The following GOLGA5 variants were observed in gnomAD, a reference collection of about 807,000 sequenced individuals.
The protein encoded by GOLGA5 is golgin A5.
A neutral mutation model predicts 93.5 loss-of-function variants in GOLGA5; 50 were observed. That is an observed-to-expected ratio of 0.53 (90% CI 0.43 to 0.68). The LOEUF is 0.68. Among genes scored for constraint, GOLGA5 ranks in the 30% least tolerant of loss-of-function variants. The pLI is 0.00. For missense variants in GOLGA5, 760 were observed against 856.4 expected, an observed-to-expected ratio of 0.89 and a Z score of 1.40; for synonymous variants, 312 against 304.5, an observed-to-expected ratio of 1.02 and a Z score of -0.26.
At chr14:92,824,511 T>C (rs2273646) in intron 8 of GOLGA5, 35 bp from the exon 9 acceptor site, 785,639 of 1,110,624 alleles carry the variant, frequency 0.71, 280,647 homozygotes, top group Admixed American at 0.83. Flanking sequence ...GGGACACTTA[T>C]TTCGCTTCTG....
intron 10 of GOLGA5, among the ~76,000 whole-genome samples, chr14:92,834,011 A>C (rs1330652802): frequency 6.6e-6 from 1 of 150,926 alleles, no homozygotes; most frequent in East Asian, 1.9e-4. Context: ...TTTTTAATGT[A>C]TAATTATCAT....
Position 92,816,674 on chromosome 14 carries a change from G to A in GOLGA5, c.1491+253G>A, listed in dbSNP as rs186276794. On this transcript the variant is annotated intron_variant, in intron 7 of 12. Transcript: ENST00000163416. The stretch of plus-strand genomic sequence containing the variant: ...ACTCCTGGGCTCAAGCAGTCTTCCC[G>A]CCTCAGGCTCCCAAGTAGGTGGAAC... Among the ~76,000 whole-genome samples, 11 of 152,156 alleles carry A rather than the reference G, an allele frequency of 7.2e-5. No homozygotes were observed. In the East Asian group the frequency reaches 1.9e-3, roughly 27 times the overall value.
At chr14:92,822,699 C>T (rs756954753) in intron 8 of GOLGA5, among the ~76,000 whole-genome samples, 33 of 152,156 alleles carry the variant, frequency 2.2e-4, no homozygotes, top group Non-Finnish European at 4.4e-4. Flanking sequence ...CTCTGTTGCC[C>T]AGGCTGGAGT....
At chr14:92,807,547 T>G (rs1885015189) in intron 3 of GOLGA5, among the ~76,000 whole-genome samples, 1 of 152,146 alleles carries the variant, frequency 6.6e-6, no homozygotes, top group South Asian at 2.1e-4. Flanking sequence ...AAACTAGTAG[T>G]AGTCTAGTTC....
At chr14:92,807,961 G>A (rs1316071676) in intron 3 of GOLGA5, among the ~76,000 whole-genome samples, 5 of 152,290 alleles carry the variant, frequency 3.3e-5, no homozygotes, top group African/African-American at 9.6e-5. Flanking sequence ...TAAGCTAGGC[G>A]TGGTGGCTCA....
At chr14:92,803,276 T>C (rs556766482) in intron 2 of GOLGA5, among the ~76,000 whole-genome samples, 1 of 152,308 alleles carries the variant, frequency 6.6e-6, no homozygotes, top group South Asian at 2.1e-4. Context: ...GCTGAAGGGA[T>C]CCTCCTGTGT....
At chr14:92,801,439 G>A (rs996647528) in intron 2 of GOLGA5, among the ~76,000 whole-genome samples, 19 of 152,064 alleles carry the variant, frequency 1.2e-4, no homozygotes, top group African/African-American at 4.6e-4. Context: ...TCATTTTCTG[G>A]AAGTGTCAAG....
intron 11 of GOLGA5, among the ~76,000 whole-genome samples, chr14:92,835,943 C>T (rs375914357): frequency 0.65 from 99,388 of 151,744 alleles, 32,997 homozygotes; most frequent in African/African-American, 0.77. Context: ...CTGACTGTAT[C>T]TCTTTTTTCT....
intron 5 of GOLGA5, 103 bp downstream of exon 5, chr14:92,810,480 C>A: frequency 3.8e-6 from 3 of 791,602 alleles, no homozygotes; most frequent in Non-Finnish European, 5.6e-6. Flanking sequence ...TTCTGCAATG[C>A]ATTTCAGAAA....
chr14:92,798,005 CT>C, intron 2 of GOLGA5, 24 bp downstream of exon 2: 1 of 1,458,372 alleles, frequency 6.9e-7, no homozygotes, highest in Non-Finnish European at 9.3e-7. Context: ...CCTCTTATTT[CT>C]TTTAGAGTTA....
intron 6 of GOLGA5, among the ~76,000 whole-genome samples, chr14:92,811,964 C>T (rs1885112123): frequency 6.6e-6 from 1 of 152,070 alleles, no homozygotes; most frequent in South Asian, 2.1e-4. Context: ...CATTCTGCCA[C>T]TGCCTAGTTC....
At chr14:92,836,167 G>A (rs970304054) in intron 11 of GOLGA5, among the ~76,000 whole-genome samples, 1 of 151,796 alleles carries the variant, frequency 6.6e-6, no homozygotes, top group Admixed American at 6.6e-5. Flanking sequence ...TTTTATATTA[G>A]CAGACATCTG....
At chr14:92,823,421 CT>C (rs35108001) in intron 8 of GOLGA5, among the ~76,000 whole-genome samples, 1 of 146,430 alleles carries the variant, frequency 6.8e-6, no homozygotes. Context: ...TTTTTCTTTT[CT>C]TTTTTTTTTG....
At chr14:92,815,862 C>G (rs1187714000) in intron 6 of GOLGA5, among the ~76,000 whole-genome samples, 1 of 151,982 alleles carries the variant, frequency 6.6e-6, no homozygotes, top group Non-Finnish European at 1.5e-5. Flanking sequence ...TGCCACCATG[C>G]CTGGCTAATT....
At chr14:92,797,367 T>C in intron 1 of GOLGA5, 41 bp from the exon 2 acceptor site, 1 of 1,153,360 alleles carries the variant, frequency 8.7e-7, no homozygotes. Context: ...TATCATACTC[T>C]GCCACTATGC....
In GOLGA5 at chr14:92,803,535, T is replaced by C. The variant is rs180773894; in HGVS notation, c.545-3201T>C. 3.3e-5 allele frequency among the ~76,000 whole-genome samples: 5 copies of C among 152,376 alleles called. No individual in the cohort carries two copies. In the East Asian group the frequency reaches 9.6e-4, roughly 29 times the overall value. ...AAAACCATCAGGACCTGGGGTATTC[T>C]TACTGAAAGGTTTTAACTATTGATT... is the stretch of plus-strand genomic sequence containing the variant. On this transcript the variant is annotated intron_variant, in intron 2 of 12. Transcript: ENST00000163416.
intron 1 of GOLGA5, among the ~76,000 whole-genome samples, chr14:92,796,365 A>C (rs1884727845): frequency 6.6e-6 from 1 of 152,188 alleles, no homozygotes; most frequent in African/African-American, 2.4e-5. Flanking sequence ...ATTTTCTCTC[A>C]GTTCTGAAGA....
At chr14:92,812,905 G>A (rs1012850496) in intron 6 of GOLGA5, among the ~76,000 whole-genome samples, 8 of 152,016 alleles carry the variant, frequency 5.3e-5, no homozygotes, top group East Asian at 1.9e-4. Context: ...TCTAATAGCC[G>A]CCTGCATATG....
rs915270367 is a variant in GOLGA5, at chr14:92,794,341, C to G, written c.-146C>G. On this transcript the variant is annotated 5_prime_UTR_variant, in exon 1 of 13. Transcript: ENST00000163416. ...ACGTCTCCCGGAAGCGGTAGCAGGG[C>G]CCCGGCGGGTCGGGGAGGAGGTTTA... 1 of 152,410 alleles carries G rather than the reference C, an allele frequency of 6.6e-6. No individual in the cohort carries two copies. The highest frequency in any genetic ancestry group is 2.4e-5 in the African/African-American group (1 of 41,462). 9.4% of individuals were successfully genotyped at this position (152,410 alleles called of 1,614,324 possible).
Sources: allele counts gnomAD v4.1 joint callset (sites outside exome capture counted in the v4.1 genomes callset), GRCh38; gene constraint gnomAD v4.1.1; transcripts MANE v1.5; gene names NCBI Gene and HGNC (gene_info 2026-07-23, HGNC 2026-07-21).